FNDC3B: variants seen among roughly 807,000 people sequenced by gnomAD.
FNDC3B encodes the protein fibronectin type III domain-containing protein 3B.
Under a neutral mutation model 151.5 loss-of-function variants are expected in FNDC3B, and 12 were observed. The ratio of observed to expected loss-of-function variants is 0.08; its 90% CI spans 0.05 to 0.13. FNDC3B has a LOEUF of 0.13. Among genes scored for constraint, FNDC3B ranks in the 10% least tolerant of loss-of-function variants. The pLI, the probability that FNDC3B is intolerant of heterozygous loss-of-function variation, is 1.00. For synonymous variants in FNDC3B, 528 were observed against 549.0 expected, an observed-to-expected ratio of 0.96 and a Z score of 0.54; for missense variants, 1,214 against 1,505.3, an observed-to-expected ratio of 0.81 and a Z score of 3.20.
intron 3 of FNDC3B, among the ~76,000 whole-genome samples, chr3:172,219,176 A>G (rs1726143959): frequency 6.6e-6 from 1 of 152,192 alleles, no homozygotes; most frequent in Non-Finnish European, 1.5e-5. Context: ...TCCACAAGAT[A>G]GTAATCTTTT....
At chr3:172,338,174 T>G (rs1733087085) in intron 16 of FNDC3B, 1 of 151,828 alleles carries the variant, frequency 6.6e-6, no homozygotes. Flanking sequence ...ATTAGCTGGG[T>G]GTGGTGGCAG....
At position 172,387,201 on chromosome 3, in the gene FNDC3B, C is replaced by T. The variant is rs193227421; in HGVS notation, c.3303+6108C>T. Among the ~76,000 whole-genome samples, 6 of 152,274 alleles carry T rather than the reference C, an allele frequency of 3.9e-5. No homozygotes were observed. In the East Asian group the frequency reaches 1.2e-3, roughly 29 times the overall value. On this transcript the variant is annotated intron_variant, in intron 25 of 25. Transcript: ENST00000415807. Reference sequence around the variant, plus strand: ...TGAACTGCTGACCTCAAGTGATCCACCTGCTTCGGCCTCCCAAAATGCTGG... The same window carrying T: ...TGAACTGCTGACCTCAAGTGATCCATCTGCTTCGGCCTCCCAAAATGCTGG...
intron 3 of FNDC3B, among the ~76,000 whole-genome samples, chr3:172,222,374 C>T (rs1726320997): frequency 6.6e-6 from 1 of 152,164 alleles, no homozygotes; most frequent in South Asian, 2.1e-4. Context: ...TCCCAGTTTC[C>T]ACCATTTCAG....
intron 11 of FNDC3B, chr3:172,317,158 C>G (rs1211616883): frequency 4.5e-6 from 2 of 443,166 alleles, no homozygotes; most frequent in Admixed American, 5.1e-5. Context: ...CAACATGTTG[C>G]ATTGGGGATT....
chr3:172,042,639 CA>C (rs1399030578), intron 1 of FNDC3B, among the ~76,000 whole-genome samples: 1 of 152,104 alleles, frequency 6.6e-6, no homozygotes, highest in Admixed American at 6.6e-5. Flanking sequence ...GCACACTTTA[CA>C]AACAAGGGGA....
At chr3:172,099,216 A>G (rs1251657795) in intron 1 of FNDC3B, among the ~76,000 whole-genome samples, 2 of 152,188 alleles carry the variant, frequency 1.3e-5, no homozygotes, top group African/African-American at 4.8e-5. Context: ...TAGGAACTGA[A>G]TTTCAATGTC....
intron 25 of FNDC3B, among the ~76,000 whole-genome samples, chr3:172,384,143 T>C (rs528140241): frequency 6.6e-6 from 1 of 152,338 alleles, no homozygotes; most frequent in East Asian, 1.9e-4. Context: ...TAAAAAAAGG[T>C]AATTTTGGAC....
At position 172,330,665 on chromosome 3, in the gene FNDC3B, T is replaced by A. The variant is rs770970133; in HGVS notation, c.1504T>A (p.Ser502Thr). 6.2e-7 allele frequency: 1 copy of A among 1,614,172 alleles called. No individual in the cohort carries two copies. ...GCAGTGGAGTAAGCCAGAAGGCTGT[T>A]CACCCGAGGAAGTGATCACCTACAC... Reference protein sequence around the residue: ...TLQWSKPEGCSPEEVITYTLE... With the variant: ...TLQWSKPEGCTPEEVITYTLE... The change falls in exon 13 of 26, where the codon TCA becomes ACA. Residue 502 changes from serine (S) to threonine (T), a missense_variant. Ser to Thr is a moderately conservative substitution (Grantham distance 58). Coordinates refer to ENST00000415807, the MANE Select transcript of FNDC3B (RefSeq NM_022763.4).
At chr3:172,078,369 A>C (rs1718125785) in intron 1 of FNDC3B, among the ~76,000 whole-genome samples, 1 of 152,210 alleles carries the variant, frequency 6.6e-6, no homozygotes, top group South Asian at 2.1e-4. Flanking sequence ...ACTAATTCTT[A>C]AAATGAACCC....
intron 1 of FNDC3B, among the ~76,000 whole-genome samples, chr3:172,082,761 A>G (rs1004257459): frequency 5.3e-5 from 8 of 152,182 alleles, no homozygotes; most frequent in African/African-American, 1.9e-4. Flanking sequence ...CTCTTTGCCT[A>G]AAACTTACTC....
chr3:172,065,425 T>G (rs190839366), intron 1 of FNDC3B, among the ~76,000 whole-genome samples: 10 of 152,314 alleles, frequency 6.6e-5, no homozygotes, highest in African/African-American at 2.2e-4. Flanking sequence ...AGTGTAGATA[T>G]GACTTTTTAG....
intron 3 of FNDC3B, chr3:172,186,619 C>T: frequency 3.0e-6 from 2 of 666,804 alleles, no homozygotes; most frequent in South Asian, 3.3e-5. Context: ...CCTATACCAG[C>T]ATTTTAAAAA....
chr3:172,076,276 C>T (rs1271667413), intron 1 of FNDC3B, among the ~76,000 whole-genome samples: 1 of 152,184 alleles, frequency 6.6e-6, no homozygotes, highest in African/African-American at 2.4e-5. Context: ...GTACTGAGCA[C>T]TACTATGTGT....
chr3:172,044,153 C>T (rs940352907), intron 1 of FNDC3B, among the ~76,000 whole-genome samples: 14 of 152,180 alleles, frequency 9.2e-5, no homozygotes, highest in Middle Eastern at 3.4e-3. Context: ...AAGATCTGTC[C>T]GATGGCAGAT....
At chr3:172,230,485 C>T (rs1053143837) in intron 4 of FNDC3B, among the ~76,000 whole-genome samples, 7 of 148,220 alleles carry the variant, frequency 4.7e-5, no homozygotes, top group African/African-American at 1.5e-4. Flanking sequence ...GCCTGGGTGA[C>T]AGAGTGAGAC....
intron 1 of FNDC3B, among the ~76,000 whole-genome samples, chr3:172,108,874 A>G (rs930704367): frequency 4.6e-5 from 7 of 152,180 alleles, no homozygotes; most frequent in Non-Finnish European, 1.0e-4. Context: ...GCATAGACTA[A>G]GTCATTTCTA....
chr3:172,392,418 A>G (rs1055770989), intron 25 of FNDC3B, among the ~76,000 whole-genome samples: 6 of 152,238 alleles, frequency 3.9e-5, no homozygotes, highest in Non-Finnish European at 7.3e-5. Flanking sequence ...CAAAAATATA[A>G]TAAGATGCTT....
chr3:172,341,442 C>T (rs927573957), intron 17 of FNDC3B, among the ~76,000 whole-genome samples: 1 of 152,076 alleles, frequency 6.6e-6, no homozygotes, highest in Non-Finnish European at 1.5e-5. Context: ...GTGGTATTTT[C>T]GGGTACATTT....
rs147227232 is a variant in FNDC3B, at chr3:172,397,610, G to A, written c.*135G>A. The A allele has an allele frequency of 8.1e-4, 387 of 478,562 alleles. 6 individuals are homozygous for A. The East Asian group carries it at 9.5e-3, about 12-fold the overall frequency. 29.6% of individuals were successfully genotyped at this position (478,562 alleles called of 1,614,324 possible). On this transcript the variant is annotated 3_prime_UTR_variant, in exon 26 of 26. Coordinates refer to ENST00000415807, the MANE Select transcript of FNDC3B (RefSeq NM_022763.4). ...TTACAGATTTAGCTAGAAAAAAAATGTCAGTGTTTTGGTGCACCTTTTTGA... is the reference window on the plus strand; with the variant it reads ...TTACAGATTTAGCTAGAAAAAAAATATCAGTGTTTTGGTGCACCTTTTTGA...
Sources: allele counts gnomAD v4.1 joint callset (sites outside exome capture counted in the v4.1 genomes callset), GRCh38; gene constraint gnomAD v4.1.1; transcripts MANE v1.5; gene names NCBI Gene and HGNC (gene_info 2026-07-23, HGNC 2026-07-21).